NUGGC: variants seen among roughly 807,000 people sequenced by gnomAD.
The protein encoded by NUGGC is nuclear GTPase, germinal center associated.
In NUGGC, 58 loss-of-function variants were observed where a neutral mutation model predicts 92.6. The ratio of observed to expected loss-of-function variants is 0.63; its 90% confidence interval spans 0.51 to 0.78. NUGGC has a LOEUF of 0.78. Ranked by LOEUF, NUGGC falls within the 30% of genes least tolerant of loss-of-function variation. NUGGC has a pLI of 0.00. For missense variants in NUGGC, 925 were observed against 964.6 expected, an observed-to-expected ratio of 0.96 and a Z score of 0.54; for synonymous variants, 376 against 366.4, an observed-to-expected ratio of 1.03 and a Z score of -0.30.
chr8:28,040,944 C>T, intron 13 of NUGGC, 107 bp downstream of exon 13: 2 of 1,155,210 alleles, frequency 1.7e-6, no homozygotes, highest in African/African-American at 1.5e-5. Context: ...CATGCCCGGC[C>T]CGCTAACTCT....
chr8:28,028,470 T>C (rs1037724014), intron 17 of NUGGC, among the ~76,000 whole-genome samples: 3 of 152,212 alleles, frequency 2.0e-5, no homozygotes, highest in Non-Finnish European at 4.4e-5. Context: ...AGGCTGGTTC[T>C]GAGGTGGACT....
intron 10 of NUGGC, among the ~76,000 whole-genome samples, chr8:28,055,472 T>C (rs1415275664): frequency 1.3e-5 from 2 of 152,118 alleles, no homozygotes; most frequent in Non-Finnish European, 2.9e-5. Flanking sequence ...TCACGGGAGA[T>C]AGATATCATT....
At chr8:28,075,073 G>C (rs931288759) in intron 1 of NUGGC, among the ~76,000 whole-genome samples, 1 of 152,200 alleles carries the variant, frequency 6.6e-6, no homozygotes, top group Admixed American at 6.5e-5. Context: ...TGGCATCAGT[G>C]CTCCACTGGG....
intron 13 of NUGGC, among the ~76,000 whole-genome samples, chr8:28,039,167 G>A (rs1402789871): frequency 1.3e-5 from 2 of 151,626 alleles, no homozygotes; most frequent in Non-Finnish European, 2.9e-5. Flanking sequence ...TTTATTCTTT[G>A]TCTTATGCTA....
intron 6 of NUGGC, among the ~76,000 whole-genome samples, chr8:28,066,814 TTCTG>T (rs1810449861): frequency 6.6e-6 from 1 of 152,222 alleles, no homozygotes; most frequent in Admixed American, 6.5e-5. Context: ...AATCCTGATT[TTCTG>T]TCTGACTGGG....
intron 12 of NUGGC, among the ~76,000 whole-genome samples, chr8:28,041,865 C>T (rs1031571557): frequency 2.6e-5 from 4 of 152,114 alleles, no homozygotes; most frequent in Non-Finnish European, 5.9e-5. Context: ...AAGTGACCAC[C>T]AGAGAAAGCC....
intron 14 of NUGGC, 40 bp downstream of exon 14, chr8:28,033,500 G>A (rs370807695): frequency 1.1e-4 from 178 of 1,587,192 alleles, no homozygotes; most frequent in Admixed American, 4.4e-4. Context: ...ACATTCTTCC[G>A]ATGTTTGTTC....
chr8:28,037,779 TC>T (rs1339677149), intron 13 of NUGGC, among the ~76,000 whole-genome samples: 1 of 152,148 alleles, frequency 6.6e-6, no homozygotes, highest in Non-Finnish European at 1.5e-5. Context: ...GAAATGGCTA[TC>T]CCCCTGTTCC....
chr8:28,072,922 T>C (rs1563232078), intron 2 of NUGGC, among the ~76,000 whole-genome samples: 1 of 151,826 alleles, frequency 6.6e-6, no homozygotes, highest in Non-Finnish European at 1.5e-5. Flanking sequence ...TGCTGTTCCT[T>C]CTTGCTGCCA....
Position 28,023,275 on chromosome 8 carries a change from C to T in NUGGC, c.*42G>A, listed in dbSNP as rs769565082. 1.0e-5 allele frequency: 16 copies of T among 1,591,202 alleles called. No homozygotes were observed. The highest frequency in any genetic ancestry group is 1.3e-5 in the Non-Finnish European group (15 of 1,167,962). ...AAAAAAAGTAATTCTAATTCTCTGGCTCTGGGCTGATTTTTCATCCATTGG... is the reference window on the plus strand; with the variant it reads ...AAAAAAAGTAATTCTAATTCTCTGGTTCTGGGCTGATTTTTCATCCATTGG... On this transcript the variant is annotated 3_prime_UTR_variant, in exon 19 of 19. Transcript: ENST00000413272.
At chr8:28,056,307 T>C (rs1201510138) in intron 9 of NUGGC, among the ~76,000 whole-genome samples, 2 of 150,020 alleles carry the variant, frequency 1.3e-5, no homozygotes, top group African/African-American at 2.5e-5. Flanking sequence ...TGAAACCCCA[T>C]CTCTACTAAG....
chr8:28,077,997 G>A (rs941992576), intron 1 of NUGGC, among the ~76,000 whole-genome samples: 1 of 152,160 alleles, frequency 6.6e-6, no homozygotes, highest in Admixed American at 6.5e-5. Context: ...AGAATCACAA[G>A]AACTTTAGTT....
intron 10 of NUGGC, among the ~76,000 whole-genome samples, chr8:28,048,431 AT>A (rs754913185): frequency 7.1e-6 from 1 of 141,602 alleles, no homozygotes; most frequent in African/African-American, 2.6e-5. Flanking sequence ...GTTTTGGGGG[AT>A]TTTTTTGTTT....
Position 28,064,750 on chromosome 8 carries a change from G to T in NUGGC, c.712-19C>A. On this transcript the variant is annotated intron_variant, in intron 6 of 18. Transcript: ENST00000413272. ...CTTCTGCCTGAAGAAGGAGGACAGA[G>T]TCACACACACCAGCCATGCACCCAG... The T allele has an allele frequency of 6.2e-7, 1 of 1,606,310 alleles. No individual in the cohort carries two copies. Among genetic ancestry groups the T allele is most frequent in the African/African-American group, 1.3e-5 (1 of 74,894 alleles).
intron 7 of NUGGC, among the ~76,000 whole-genome samples, chr8:28,063,500 G>A (rs1428918077): frequency 1.3e-5 from 2 of 152,210 alleles, no homozygotes; most frequent in South Asian, 2.1e-4. Context: ...CTGAGCCACC[G>A]ACCAAGGGGA....
chr8:28,034,574 G>A lies in NUGGC; in HGVS notation c.1612-877C>T, dbSNP rs145021049. On this transcript the variant is annotated intron_variant, in intron 13 of 18. Transcript: ENST00000413272. ...CTCATACTGGTAATCTCAGCACTTC[G>A]GGAGGCCAAGGCAGGTGGATCATCT... Among the ~76,000 whole-genome samples the A allele has an allele frequency of 3.4e-3, 511 of 152,214 alleles. 4 individuals are homozygous for A. Among genetic ancestry groups the A allele is most frequent in the African/African-American group, 0.012 (482 of 41,526 alleles).
intron 10 of NUGGC, among the ~76,000 whole-genome samples, chr8:28,051,910 GAAACAAAACAAAACA>G (rs562620245): frequency 1.3e-5 from 2 of 149,410 alleles, no homozygotes; most frequent in Non-Finnish European, 3.0e-5. Context: ...CAACAGGAGC[GAAACAAAACAAAACA>G]AAACAAAACA....
At chr8:28,034,125 C>T (rs146771263) in intron 13 of NUGGC, among the ~76,000 whole-genome samples, 163 of 152,320 alleles carry the variant, frequency 1.1e-3, no homozygotes, top group African/African-American at 3.2e-3. Context: ...TGAATGACAA[C>T]GTGCTATGAC....
intron 10 of NUGGC, among the ~76,000 whole-genome samples, chr8:28,051,854 G>A (rs565822207): frequency 3.3e-5 from 5 of 152,238 alleles, no homozygotes; most frequent in South Asian, 2.1e-4. Flanking sequence ...CCCAGGAGGC[G>A]GAGGTTGCGG....
Sources: gnomAD v4.1 joint callset for allele counts (sites outside exome capture counted in the v4.1 genomes callset) on GRCh38, gnomAD v4.1.1 for gene constraint, MANE v1.5 for transcripts, NCBI Gene and HGNC (gene_info 2026-07-23, HGNC 2026-07-21) for gene names.